The following UBR1 variants were observed in gnomAD, a reference collection of about 807,000 sequenced individuals.
UBR1 encodes E3 ubiquitin-protein ligase UBR1.
UBR1 carries 102 observed loss-of-function variants against 242.1 expected under a neutral mutation model. The observed-to-expected ratio is 0.42, with a 90% CI of 0.36 to 0.50. The LOEUF (loss-of-function observed/expected upper bound fraction) is 0.50, where lower values mean the gene tolerates loss of function less well. UBR1 is among the 20% of genes least tolerant of loss of function. The pLI, the probability that UBR1 is intolerant of heterozygous loss-of-function variation, is 0.01. For missense variants in UBR1, 1,772 were observed against 2,101.8 expected, an observed-to-expected ratio of 0.84 and a Z score of 3.07; for synonymous variants, 675 against 684.8, an observed-to-expected ratio of 0.99 and a Z score of 0.22.
intron 40 of UBR1, among the ~76,000 whole-genome samples, chr15:42,966,573 G>A (rs941515516): frequency 1.3e-5 from 2 of 151,926 alleles, no homozygotes; most frequent in African/African-American, 4.8e-5. Context: ...AGCTACTCGG[G>A]AGGCTGAGGT....
intron 11 of UBR1, 125 bp from the exon 12 acceptor site, chr15:43,055,024 CA>C: frequency 8.6e-7 from 1 of 1,162,054 alleles, no homozygotes; most frequent in South Asian, 1.4e-5. Flanking sequence ...ATGTTAAACA[CA>C]GTCCTTAGTT....
intron 29 of UBR1, among the ~76,000 whole-genome samples, 193 bp from the exon 30 acceptor site, chr15:43,007,477 T>C (rs1429131052): frequency 1.3e-5 from 2 of 152,048 alleles, no homozygotes; most frequent in Non-Finnish European, 2.9e-5. Flanking sequence ...TATTACAAAA[T>C]ACAAGTGTTG....
chr15:43,064,613 G>A (rs1275997133), intron 6 of UBR1, among the ~76,000 whole-genome samples: 3 of 141,892 alleles, frequency 2.1e-5, no homozygotes, highest in Non-Finnish European at 3.0e-5. Flanking sequence ...ATCTCGCTCC[G>A]TTGCCTAGGC....
chr15:43,043,314 T>A lies in UBR1; in HGVS notation c.1750A>T (p.Thr584Ser). ...CTATGTCCACACGATTGTACTACTG[T>A]CTTGCTACTAGATATGAAACTGGTA... ...CSTSFISSSK[T>S]VVQSCGHSLE... The change falls in exon 15 of 47, where the codon ACA becomes TCA. Residue 584 changes from threonine to serine, a missense_variant. Transcript: ENST00000290650. 6.2e-7 allele frequency: 1 copy of A among 1,614,144 alleles called. No individual in the cohort carries two copies.
At chr15:43,024,796 T>G in intron 25 of UBR1, 33 bp downstream of exon 25, 1 of 1,614,072 alleles carries the variant, frequency 6.2e-7, no homozygotes, top group East Asian at 2.2e-5. Flanking sequence ...ACTCTAGGAC[T>G]TGATGTAGAG....
intron 39 of UBR1, 149 bp from the exon 40 acceptor site, chr15:42,970,756 CTT>C: frequency 1.3e-6 from 1 of 752,354 alleles, no homozygotes; most frequent in Non-Finnish European, 2.2e-6. Context: ...GAGTTTCGCT[CTT>C]GTTGCCCAGG....
intron 30 of UBR1, among the ~76,000 whole-genome samples, chr15:43,005,433 C>A (rs975480794): frequency 1.3e-3 from 195 of 151,296 alleles, no homozygotes; most frequent in African/African-American, 4.6e-3. Context: ...GGGGGGCAGC[C>A]CCCGCCCGGC....
At chr15:43,105,676 C>T (rs1181396512) in intron 1 of UBR1, among the ~76,000 whole-genome samples, 1 of 152,172 alleles carries the variant, frequency 6.6e-6, no homozygotes, top group Non-Finnish European at 1.5e-5. Context: ...CGTCTAATAA[C>T]ATCACTGGTT....
chr15:43,009,861 C>G (rs2032891746), intron 29 of UBR1, among the ~76,000 whole-genome samples: 1 of 152,104 alleles, frequency 6.6e-6, no homozygotes, highest in Non-Finnish European at 1.5e-5. Context: ...ACATAGAATA[C>G]TCTGCAGCTT....
chr15:43,084,629 T>G (rs1428377031), intron 2 of UBR1, among the ~76,000 whole-genome samples: 1 of 152,138 alleles, frequency 6.6e-6, no homozygotes, highest in Non-Finnish European at 1.5e-5. Context: ...CTAATTTTTG[T>G]AGTTTTAGCA....
In UBR1 at chr15:43,103,170, ATAAAT is replaced by A. The variant is rs1166811560; in HGVS notation, c.81+2767_81+2771del. Among the ~76,000 whole-genome samples the A allele has an allele frequency of 6.6e-5, 10 of 152,322 alleles. No homozygotes were observed. The South Asian group carries it at 1.2e-3, about 19-fold the overall frequency. ...GTGATGGAGTAGGACTCTGTCTTAA[ATAAAT>A]TAAATTAAATTAAACCCTGTCTCTA... On this transcript the variant is annotated intron_variant, in intron 1 of 46. Transcript: ENST00000290650.
At chr15:43,068,087 AGT>A (rs371629274) in intron 5 of UBR1, 51 bp from the exon 6 acceptor site, 13 of 1,298,784 alleles carry the variant, frequency 1.0e-5, no homozygotes, top group East Asian at 5.2e-5. Flanking sequence ...ATAAAGGAAA[AGT>A]AAAAAAAAAA....
At chr15:43,034,313 A>G (rs1011542683) in intron 19 of UBR1, among the ~76,000 whole-genome samples, 15 of 151,634 alleles carry the variant, frequency 9.9e-5, no homozygotes, top group Middle Eastern at 3.4e-3. Context: ...GTGGTGGCTT[A>G]TCCCTGCAGG....
rs540916657 is a variant in UBR1 at position 43,087,321 on chromosome 15, C to T, written c.82-1081G>A. Among the ~76,000 whole-genome samples, 414 of 152,064 alleles carry T rather than the reference C, an allele frequency of 2.7e-3. 1 individual carries two copies. The highest frequency in any genetic ancestry group is 3.7e-3 in the Non-Finnish European group (251 of 67,984). On this transcript the variant is annotated intron_variant, in intron 1 of 46. Coordinates refer to ENST00000290650, the MANE Select transcript of UBR1 (RefSeq NM_174916.3). ...TCAGGAGGTTGAGGCAGGAGGATGG[C>T]GTGAACCCAGGAGGCGGAGCTTGCA...
chr15:43,092,939 T>G (rs2034120492), intron 1 of UBR1, among the ~76,000 whole-genome samples: 1 of 152,176 alleles, frequency 6.6e-6, no homozygotes, highest in Non-Finnish European at 1.5e-5. Context: ...TTTTTTCAAC[T>G]AAAATAGGTT....
intron 3 of UBR1, among the ~76,000 whole-genome samples, chr15:43,081,286 G>A (rs977744143): frequency 2.6e-5 from 4 of 151,754 alleles, no homozygotes; most frequent in Non-Finnish European, 5.9e-5. Flanking sequence ...GTGTGGTGGC[G>A]CACGCCTGTA....
At chr15:42,975,439 TTC>T (rs200493363) in intron 39 of UBR1, among the ~76,000 whole-genome samples, 1,929 of 97,256 alleles carry the variant, frequency 0.02, 43 homozygotes, top group African/African-American at 0.044. Flanking sequence ...GCTAAATTGT[TTC>T]TGTTTTTTTT....
chr15:42,976,965 GTT>G, intron 38 of UBR1, 98 bp from the exon 39 acceptor site: 1 of 1,280,386 alleles, frequency 7.8e-7, no homozygotes, highest in East Asian at 2.5e-5. Context: ...GCTACACAGT[GTT>G]TGTGTGTGTG....
chr15:43,045,444 G>A (rs2033472481), intron 14 of UBR1, among the ~76,000 whole-genome samples: 1 of 152,076 alleles, frequency 6.6e-6, no homozygotes, highest in Non-Finnish European at 1.5e-5. Context: ...TCCAGCCTGG[G>A]TGACAGAGTA....
Sources: allele counts gnomAD v4.1 joint callset (sites outside exome capture counted in the v4.1 genomes callset), GRCh38; gene constraint gnomAD v4.1.1; transcripts MANE v1.5; gene names NCBI Gene and HGNC (gene_info 2026-07-23, HGNC 2026-07-21).